The following PTCHD4 variants were observed in gnomAD, a reference collection of about 807,000 sequenced individuals.
The protein encoded by PTCHD4 is patched domain containing 4, also known as patched domain-containing protein 4.
PTCHD4 carries 33 observed loss-of-function variants against 58.1 expected under a neutral mutation model. The ratio of observed to expected loss-of-function variants is 0.57; its 90% CI spans 0.43 to 0.76. The LOEUF is 0.76. Among genes scored for constraint, PTCHD4 ranks in the 30% least tolerant of loss-of-function variants. PTCHD4 has a pLI of 0.00. For synonymous variants in PTCHD4, 478 were observed against 409.6 expected (o/e 1.17, Z -2.02); for missense variants, 1,058 against 1,027.1 (o/e 1.03, Z -0.41).
At chr6:48,091,283 T>A (rs1292411738) in intron 1 of PTCHD4, among the ~76,000 whole-genome samples, 8 of 151,504 alleles carry the variant, frequency 5.3e-5, no homozygotes, top group South Asian at 2.1e-4. Flanking sequence ...TAATAAAAAA[T>A]AATAATAAAA....
chr6:47,873,848 T>A lies in PTCHD4; in HGVS notation c.*4455A>T, dbSNP rs969802573. Among the ~76,000 whole-genome samples, 2 of 151,826 alleles carry A rather than the reference T, an allele frequency of 1.3e-5. No homozygotes were observed. Among genetic ancestry groups the A allele is most frequent in the African/African-American group, 4.8e-5 (2 of 41,496 alleles). On this transcript the variant is annotated 3_prime_UTR_variant, in exon 5 of 5. Coordinates refer to ENST00000339488, the MANE Select transcript of PTCHD4 (RefSeq NM_001384253.1). ...TGGTAATTGAGAAAAAGCTAAAACT[T>A]TTTTTGTTTGTTTTTTGTTTGTAAA...
At chr6:47,965,640 T>C in intron 4 of PTCHD4, among the ~76,000 whole-genome samples, 1 of 152,200 alleles carries the variant, frequency 6.6e-6, no homozygotes, top group East Asian at 1.9e-4. Context: ...CAAGAACTCT[T>C]GGTTCTGGCC....
intron 4 of PTCHD4, among the ~76,000 whole-genome samples, chr6:47,917,939 T>G (rs887794171): frequency 1.3e-5 from 2 of 152,104 alleles, no homozygotes. Flanking sequence ...AACGTCAAAC[T>G]TCAGTTGCTG....
chr6:48,096,709 C>A (rs911623470), intron 1 of PTCHD4, among the ~76,000 whole-genome samples: 7 of 151,736 alleles, frequency 4.6e-5, no homozygotes, highest in African/African-American at 1.7e-4. Context: ...CTGAAGACAG[C>A]AACAGCATGG....
At chr6:47,992,288 C>A (rs143632296) in intron 4 of PTCHD4, among the ~76,000 whole-genome samples, 1 of 152,048 alleles carries the variant, frequency 6.6e-6, no homozygotes, top group African/African-American at 2.4e-5. Context: ...CACACACACA[C>A]GTGAACATAT....
chr6:48,052,879 GT>G (rs1554172939), intron 3 of PTCHD4, among the ~76,000 whole-genome samples: 1 of 151,964 alleles, frequency 6.6e-6, no homozygotes, highest in Non-Finnish European at 1.5e-5. Flanking sequence ...TATAATTGCC[GT>G]TTAAAAATAA....
At chr6:47,897,431 G>A (rs576985096) in intron 4 of PTCHD4, among the ~76,000 whole-genome samples, 49 of 152,286 alleles carry the variant, frequency 3.2e-4, no homozygotes, top group African/African-American at 1.2e-3. Flanking sequence ...TTTTGTAAAA[G>A]GATACCAGTC....
chr6:48,038,307 G>T (rs550645197), intron 3 of PTCHD4, among the ~76,000 whole-genome samples: 1 of 152,068 alleles, frequency 6.6e-6, no homozygotes, highest in Admixed American at 6.6e-5. Flanking sequence ...GAGCCCTGGG[G>T]ATGGGCAAAT....
intron 4 of PTCHD4, among the ~76,000 whole-genome samples, chr6:47,977,221 T>C (rs1190161956): frequency 9.9e-5 from 15 of 152,224 alleles, no homozygotes. Flanking sequence ...CTAGTATTTA[T>C]TCTCTTTTGT....
At chr6:47,993,956 A>G (rs779806603) in intron 4 of PTCHD4, among the ~76,000 whole-genome samples, 11 of 152,220 alleles carry the variant, frequency 7.2e-5, no homozygotes, top group Non-Finnish European at 1.6e-4. Context: ...TATCACTTTT[A>G]AAGTATAAGA....
chr6:48,019,748 AAT>A (rs1207061812), intron 3 of PTCHD4, among the ~76,000 whole-genome samples: 10 of 140,772 alleles, frequency 7.1e-5, no homozygotes, highest in African/African-American at 1.8e-4. Flanking sequence ...AAAAAAAAAA[AAT>A]AATAATATAT....
chr6:47,924,821 C>G (rs926978751), intron 4 of PTCHD4, among the ~76,000 whole-genome samples: 4 of 152,084 alleles, frequency 2.6e-5, no homozygotes, highest in Non-Finnish European at 4.4e-5. Context: ...ATTCAAGCCT[C>G]TGATCAAATG....
intron 3 of PTCHD4, among the ~76,000 whole-genome samples, chr6:48,030,331 T>C (rs540702248): frequency 1.3e-5 from 2 of 152,252 alleles, no homozygotes; most frequent in African/African-American, 4.8e-5. Flanking sequence ...TTTGAGGGTA[T>C]TAAATTTTAG....
At chr6:48,007,582 G>T (rs890707655) in intron 4 of PTCHD4, among the ~76,000 whole-genome samples, 1 of 152,168 alleles carries the variant, frequency 6.6e-6, no homozygotes, top group Non-Finnish European at 1.5e-5. Context: ...GAGAGGTAGC[G>T]CTTCTCTTTA....
intron 4 of PTCHD4, among the ~76,000 whole-genome samples, chr6:47,984,650 A>T (rs1208238502): frequency 6.6e-6 from 1 of 152,168 alleles, no homozygotes; most frequent in African/African-American, 2.4e-5. Context: ...TTCAGTGCAG[A>T]TAAATAAATA....
chr6:47,942,011 G>A (rs111390531), intron 4 of PTCHD4, among the ~76,000 whole-genome samples: 146 of 152,230 alleles, frequency 9.6e-4, no homozygotes, highest in African/African-American at 3.3e-3. Context: ...ATCAGCAATT[G>A]CACAATTTGG....
At chr6:47,938,815 C>G (rs564730693) in intron 4 of PTCHD4, among the ~76,000 whole-genome samples, 1 of 152,110 alleles carries the variant, frequency 6.6e-6, no homozygotes, top group Non-Finnish European at 1.5e-5. Flanking sequence ...TCAAAGTGTT[C>G]AGAATCTTTC....
At chr6:47,906,652 G>T (rs1264206759) in intron 4 of PTCHD4, among the ~76,000 whole-genome samples, 4 of 152,150 alleles carry the variant, frequency 2.6e-5, no homozygotes, top group Non-Finnish European at 5.9e-5. Context: ...AAAGTGAATA[G>T]CAAAATCTTC....
chr6:47,995,042 A>T (rs960225710), intron 4 of PTCHD4, among the ~76,000 whole-genome samples: 1 of 152,236 alleles, frequency 6.6e-6, no homozygotes, highest in Admixed American at 6.5e-5. Flanking sequence ...TCTGAGGATT[A>T]AACTCATTTG....
Sources: gnomAD v4.1 joint callset for allele counts (sites outside exome capture counted in the v4.1 genomes callset) on GRCh38, gnomAD v4.1.1 for gene constraint, MANE v1.5 for transcripts, NCBI Gene and HGNC (gene_info 2026-07-23, HGNC 2026-07-21) for gene names.